The following KCMF1 variants were observed in gnomAD, a reference collection of about 807,000 sequenced individuals.
KCMF1 encodes the protein E3 ubiquitin-protein ligase KCMF1.
A neutral mutation model predicts 41.1 loss-of-function variants in KCMF1; 3 were observed. The ratio of observed to expected loss-of-function variants is 0.07; its 90% CI spans 0.03 to 0.19. The LOEUF (loss-of-function observed/expected upper bound fraction) is 0.19. KCMF1 is among the 10% of genes least tolerant of loss of function. The probability of loss-of-function intolerance (pLI) is 1.00; values close to 1 mark genes in which losing one functional copy is unlikely to be tolerated. For synonymous variants in KCMF1, 142 were observed against 164.5 expected (o/e 0.86, Z 1.04); for missense variants, 286 against 488.9 (o/e 0.58, Z 3.91).
intron 1 of KCMF1, among the ~76,000 whole-genome samples, chr2:85,008,063 G>A (rs958168804): frequency 1.3e-5 from 2 of 151,432 alleles, no homozygotes; most frequent in African/African-American, 4.9e-5. Context: ...GTGCCCAGCC[G>A]CTAGTTGTGT....
intron 1 of KCMF1, among the ~76,000 whole-genome samples, chr2:85,000,090 C>T (rs60837201): frequency 7.9e-5 from 12 of 151,868 alleles, no homozygotes; most frequent in African/African-American, 2.9e-4. Flanking sequence ...ATTTTTACAA[C>T]ATAGATTTCT....
intron 1 of KCMF1, among the ~76,000 whole-genome samples, chr2:85,003,433 G>A (rs1406897706): frequency 5.3e-5 from 8 of 151,916 alleles, no homozygotes; most frequent in Admixed American, 3.3e-4. Context: ...AGCCAAGATC[G>A]TGCCAGTGCA....
intron 1 of KCMF1, among the ~76,000 whole-genome samples, chr2:84,984,710 C>T (rs983889548): frequency 2.6e-5 from 4 of 152,098 alleles, no homozygotes; most frequent in Admixed American, 2.0e-4. Context: ...ATCCTAGCTA[C>T]TCGGGAGGCT....
intron 1 of KCMF1, among the ~76,000 whole-genome samples, chr2:84,996,075 T>A (rs2103983422): frequency 6.6e-6 from 1 of 152,362 alleles, no homozygotes; most frequent in Admixed American, 6.5e-5. Flanking sequence ...GCAATTGTAT[T>A]ACTGGTGATT....
intron 1 of KCMF1, among the ~76,000 whole-genome samples, chr2:84,988,101 G>A (rs934475486): frequency 1.3e-5 from 2 of 151,998 alleles, no homozygotes; most frequent in Non-Finnish European, 2.9e-5. Context: ...GTGTGATGGC[G>A]CATGCCTGTA....
At chr2:85,031,616 G>A (rs1675270090) in intron 2 of KCMF1, among the ~76,000 whole-genome samples, 1 of 152,174 alleles carries the variant, frequency 6.6e-6, no homozygotes, top group Non-Finnish European at 1.5e-5. Context: ...ATGATGTTTG[G>A]TAGGTTAGGT....
chr2:85,030,673 C>T (rs1036815608), intron 2 of KCMF1, among the ~76,000 whole-genome samples: 1 of 152,140 alleles, frequency 6.6e-6, no homozygotes, highest in Non-Finnish European at 1.5e-5. Context: ...GACTCTCAGT[C>T]TATTCACATT....
intron 2 of KCMF1, among the ~76,000 whole-genome samples, chr2:85,034,731 C>T (rs922718931): frequency 6.6e-6 from 1 of 152,154 alleles, no homozygotes; most frequent in Non-Finnish European, 1.5e-5. Context: ...AAGCGATTCT[C>T]CTGGCTCAGC....
chr2:84,988,773 T>C (rs965442328), intron 1 of KCMF1, among the ~76,000 whole-genome samples: 1 of 152,236 alleles, frequency 6.6e-6, no homozygotes, highest in Non-Finnish European at 1.5e-5. Context: ...CCCATGTTCA[T>C]TCATGTTTAG....
At position 85,023,649 on chromosome 2, in the gene KCMF1, CA is replaced by C. The variant is rs559954005; in HGVS notation, c.17-4235del. 1.6e-4 allele frequency among the ~76,000 whole-genome samples: 25 copies of C among 152,256 alleles called. No homozygotes were observed. The East Asian group carries it at 4.6e-3, about 28-fold the overall frequency. ...GAGTAGCCTTTTTAAAATTCAGTTA[CA>C]AAAACTGCCGTCAACATTCTTCCAC... is the stretch of plus-strand genomic sequence containing the variant. On this transcript the variant is annotated intron_variant, in intron 1 of 6. Transcript: ENST00000409785.
At chr2:85,034,300 G>A (rs112835271) in intron 2 of KCMF1, among the ~76,000 whole-genome samples, 4 of 152,256 alleles carry the variant, frequency 2.6e-5, no homozygotes, top group African/African-American at 9.6e-5. Context: ...GCTACATCTG[G>A]GAGTTCTCAT....
At chr2:85,044,223 G>A (rs575791926) in intron 4 of KCMF1, among the ~76,000 whole-genome samples, 1 of 152,096 alleles carries the variant, frequency 6.6e-6, no homozygotes, top group Admixed American at 6.6e-5. Flanking sequence ...TGTGGGTGTG[G>A]TGTGGTGAGA....
chr2:84,972,974 T>C (rs563941745), intron 1 of KCMF1, among the ~76,000 whole-genome samples: 27 of 152,360 alleles, frequency 1.8e-4, no homozygotes, highest in Admixed American at 6.5e-5. Flanking sequence ...CTTCGTCTGC[T>C]TAATCGAAAT....
At chr2:85,008,446 T>G (rs1674569432) in intron 1 of KCMF1, among the ~76,000 whole-genome samples, 1 of 128,020 alleles carries the variant, frequency 7.8e-6, no homozygotes, top group Non-Finnish European at 1.6e-5. Context: ...ATACATCATA[T>G]ATCTGAGATA....
At chr2:85,011,075 C>T (rs979164699) in intron 1 of KCMF1, among the ~76,000 whole-genome samples, 5 of 152,072 alleles carry the variant, frequency 3.3e-5, no homozygotes, top group African/African-American at 7.2e-5. Flanking sequence ...ATCTCTTGAC[C>T]TTGTGATGTG....
At chr2:85,048,687 A>G (rs952102129) in intron 5 of KCMF1, among the ~76,000 whole-genome samples, 12 of 152,226 alleles carry the variant, frequency 7.9e-5, no homozygotes, top group African/African-American at 2.9e-4. Context: ...TGGACACAAG[A>G]CAGTCTGGAT....
At chr2:85,046,420 A>G in intron 5 of KCMF1, 142 bp downstream of exon 5, 2 of 579,580 alleles carry the variant, frequency 3.5e-6, no homozygotes, top group Non-Finnish European at 6.0e-6. Flanking sequence ...ACTTGAGGCC[A>G]GGAATTCAAG....
At chr2:85,049,809 A>G (rs1174458695) in intron 6 of KCMF1, among the ~76,000 whole-genome samples, 161 bp downstream of exon 6, 2 of 152,204 alleles carry the variant, frequency 1.3e-5, no homozygotes, top group Non-Finnish European at 2.9e-5. Flanking sequence ...GTATTTCCCC[A>G]AGAATGTGAA....
At chr2:84,991,610 C>G (rs919317554) in intron 1 of KCMF1, among the ~76,000 whole-genome samples, 19 of 152,130 alleles carry the variant, frequency 1.2e-4, no homozygotes, top group African/African-American at 4.6e-4. Flanking sequence ...GAGACAGGTC[C>G]AGGCCTGGAG....
Sources: gnomAD v4.1 joint callset for allele counts (sites outside exome capture counted in the v4.1 genomes callset) on GRCh38, gnomAD v4.1.1 for gene constraint, MANE v1.5 for transcripts, NCBI Gene and HGNC (gene_info 2026-07-23, HGNC 2026-07-21) for gene names.